The following CIAO1 variants were observed in gnomAD, a reference collection of about 807,000 sequenced individuals.
CIAO1 encodes cytosolic iron-sulfur assembly component 1.
CIAO1 carries 32 observed loss-of-function variants against 43.1 expected under a neutral mutation model. The ratio of observed to expected loss-of-function variants is 0.74; its 90% CI spans 0.56 to 1.00. The LOEUF (loss-of-function observed/expected upper bound fraction) is 1.00, where lower values mean the gene tolerates loss of function less well. Ranked by LOEUF, CIAO1 falls within the 50% of genes least tolerant of loss-of-function variation. The pLI is 0.00. For synonymous variants in CIAO1, 183 were observed against 171.4 expected, an observed-to-expected ratio of 1.07 and a Z score of -0.53; for missense variants, 415 against 437.4, an observed-to-expected ratio of 0.95 and a Z score of 0.46.
rs749576987 is a variant in CIAO1, at chr2:96,267,633, C to T, written c.297C>T (p.Thr99=). The T allele has an allele frequency of 1.2e-6, 2 of 1,614,022 alleles. No homozygotes were observed. The highest frequency in any genetic ancestry group is 2.2e-5 in the South Asian group (2 of 91,076). The change falls in exon 3 of 7, where the codon ACC becomes ACT. Residue 99 remains threonine (T), a synonymous_variant. Transcript: ENST00000488633. The stretch of plus-strand genomic sequence containing the variant: ...TCTTTCCCCTTTCACAGTGTGTAAC[C>T]ACTCTCGAGGGCCATGAAAATGAGG... ...KKNQDDFECV[T]TLEGHENEVK... is the part of the protein sequence containing the mutation.
At chr2:96,266,632 G>T in intron 1 of CIAO1, 143 bp downstream of exon 1, 1 of 934,162 alleles carries the variant, frequency 1.1e-6, no homozygotes, top group Non-Finnish European at 1.4e-6. Flanking sequence ...GGGCTTTACA[G>T]GCAAAGAAGT....
rs57198918 is a variant in CIAO1, at chr2:96,273,662, CAAAAAAAAA to C, written c.*2327_*2335del. 2.7e-4 allele frequency among the ~76,000 whole-genome samples: 15 copies of C among 55,996 alleles called. No homozygotes were observed. Among genetic ancestry groups the C allele is most frequent in the African/African-American group, 5.4e-4 (9 of 16,758 alleles). The allele number at this position is 55,996 out of a possible 152,430, so 36.7% of individuals were successfully genotyped here. Reference sequence around the variant, plus strand: ...TGGGTGACAGAGCGAGACTCCATTTCAAAAAAAAAAAAAAAAAAAAAAAATCACTTGTAG... The same window carrying C: ...TGGGTGACAGAGCGAGACTCCATTTCAAAAAAAAAAAAAAATCACTTGTAG... On this transcript the variant is annotated 3_prime_UTR_variant, in exon 7 of 7. Transcript: ENST00000488633.
rs147061540 is a variant in CIAO1 at position 96,268,044 on chromosome 2, A to G, written c.489+120A>G. 554 of 821,274 alleles carry G rather than the reference A, an allele frequency of 6.7e-4. 3 individuals are homozygous for G. In the African/African-American group the frequency reaches 8.1e-3, roughly 12 times the overall value. The allele number at this position is 821,274 out of a possible 1,614,324, so 50.9% of individuals were successfully genotyped here. A position where few individuals can be genotyped will look rare whatever the true frequency, so the allele number is the denominator to read the frequency against. ...GGAGAGTTCCATCTGTGAACAAAAAACATTAGTCCCTTTATAAAAACAGAT... is the reference window on the plus strand; with the variant it reads ...GGAGAGTTCCATCTGTGAACAAAAAGCATTAGTCCCTTTATAAAAACAGAT... On this transcript the variant is annotated intron_variant, in intron 4 of 6. Coordinates refer to ENST00000488633, the MANE Select transcript of CIAO1 (RefSeq NM_004804.3).
rs1312172462 is a variant in CIAO1, at chr2:96,272,474, T to A, written c.*1123T>A. ...GGTGGTGGCAGCAAACTTCTAGTAG[T>A]TTTGATATGTCCTTGATAGAACAAA... is the stretch of plus-strand genomic sequence containing the variant. On this transcript the variant is annotated 3_prime_UTR_variant, in exon 7 of 7. Coordinates refer to ENST00000488633, the MANE Select transcript of CIAO1 (RefSeq NM_004804.3). The A allele has an allele frequency of 6.6e-6, 1 of 152,232 alleles. No individual in the cohort carries two copies. Among genetic ancestry groups the A allele is most frequent in the African/African-American group, 2.4e-5 (1 of 41,456 alleles). The allele number at this position is 152,232 out of a possible 1,614,324, so 9.4% of individuals were successfully genotyped here. A position where few individuals can be genotyped will look rare whatever the true frequency, so the allele number is the denominator to read the frequency against.
intron 5 of CIAO1, 76 bp downstream of exon 5, chr2:96,268,734 C>T (rs1025533131): frequency 2.2e-5 from 31 of 1,436,864 alleles, no homozygotes; most frequent in Non-Finnish European, 2.5e-5. Context: ...GTACATGAGT[C>T]AGAGCAAATG....
In CIAO1 at chr2:96,268,492, G is replaced by A. The variant is rs1263953942; in HGVS notation, c.525G>A (p.Lys175=). 1.9e-6 allele frequency: 3 copies of A among 1,614,254 alleles called. No homozygotes were observed. The highest frequency in any genetic ancestry group is 1.7e-5 in the Admixed American group (1 of 60,024). ...LASASYDDTV[K]LYREEEDDWV... is the part of the protein sequence containing the mutation. ...CTGCCAGCTATGATGACACAGTGAA[G>A]CTGTACCGGGAGGAAGAGGATGACT... Residue 175 remains lysine, a synonymous_variant, in exon 5 of 7, where the codon AAG becomes AAA. Transcript: ENST00000488633.
Position 96,267,481 on chromosome 2 carries a change from G to C in CIAO1, c.288+12G>C, listed in dbSNP as rs771443614. The C allele has an allele frequency of 4.3e-6, 7 of 1,613,714 alleles. No individual in the cohort carries two copies. Among genetic ancestry groups the C allele is most frequent in the Non-Finnish European group, 5.1e-6 (6 of 1,179,670 alleles). ...AGGATGACTTTGAGGTACCCAGGCTGGTTGGGACCAGAATTATTGCCTGTT... is the reference window on the plus strand; with the variant it reads ...AGGATGACTTTGAGGTACCCAGGCTCGTTGGGACCAGAATTATTGCCTGTT... On this transcript the variant is annotated intron_variant, in intron 2 of 6. Transcript: ENST00000488633.
rs1253580840 is a variant in CIAO1, at chr2:96,266,322, G to A, written c.-29G>A. On this transcript the variant is annotated 5_prime_UTR_variant, in exon 1 of 7. Coordinates refer to ENST00000488633, the MANE Select transcript of CIAO1 (RefSeq NM_004804.3). The stretch of plus-strand genomic sequence containing the variant: ...GCTGTCTGCTCAGCGGACTCTGCCC[G>A]CCCCCACCTCCCCCTGCGTCGGGCC... 6 of 1,375,568 alleles carry A rather than the reference G, an allele frequency of 4.4e-6. No individual in the cohort carries two copies. The South Asian group carries it at 6.3e-5, about 14-fold the overall frequency. 85.2% of individuals were successfully genotyped at this position (1,375,568 alleles called of 1,614,324 possible). A position where few individuals can be genotyped will look rare whatever the true frequency, so the allele number is the denominator to read the frequency against.
At chr2:96,268,695 C>G in intron 5 of CIAO1, 37 bp downstream of exon 5, 1 of 1,603,782 alleles carries the variant, frequency 6.2e-7, no homozygotes, top group Non-Finnish European at 8.5e-7. Context: ...AGACCCATCT[C>G]TCAAGGGGTT....
chr2:96,267,775 G>GA (rs1684464481), intron 3 of CIAO1, 39 bp downstream of exon 3: 1 of 1,612,026 alleles, frequency 6.2e-7, no homozygotes, highest in Non-Finnish European at 8.5e-7. Context: ...GGAACCACCT[G>GA]ACAGCCCCCT....
chr2:96,273,765 G>T lies in CIAO1; in HGVS notation c.*2414G>T, dbSNP rs557627628. ...CTATTTTAAAAACTTTTCCAACTGC[G>T]TATCTGTGTGAAGTCAACTTACTTC... On this transcript the variant is annotated 3_prime_UTR_variant, in exon 7 of 7. Transcript: ENST00000488633. 9.2e-5 allele frequency among the ~76,000 whole-genome samples: 14 copies of T among 151,714 alleles called. No homozygotes were observed. The highest frequency in any genetic ancestry group is 6.2e-4 in the South Asian group (3 of 4,816).
chr2:96,268,706 C>T, intron 5 of CIAO1, 48 bp downstream of exon 5: 1 of 1,588,754 alleles, frequency 6.3e-7, no homozygotes, highest in Non-Finnish European at 8.6e-7. Context: ...TCAAGGGGTT[C>T]ACAGTCTGCT....
At position 96,273,587 on chromosome 2, in the gene CIAO1, C is replaced by T. The variant is rs1251719206; in HGVS notation, c.*2236C>T. Among the ~76,000 whole-genome samples the T allele has an allele frequency of 6.9e-6, 1 of 144,358 alleles. No homozygotes were observed. The highest frequency in any genetic ancestry group is 1.5e-5 in the Non-Finnish European group (1 of 67,212). 94.7% of individuals were successfully genotyped at this position (144,358 alleles called of 152,430 possible). A position where few individuals can be genotyped will look rare whatever the true frequency, so the allele number is the denominator to read the frequency against. Reference sequence around the variant, plus strand: ...CTGAGGCAGGAGAATAGCTTGAACCCGGGAGGTGGAGGTTGCAGTGAGTCG... The same window carrying T: ...CTGAGGCAGGAGAATAGCTTGAACCTGGGAGGTGGAGGTTGCAGTGAGTCG... On this transcript the variant is annotated 3_prime_UTR_variant, in exon 7 of 7. Coordinates refer to ENST00000488633, the MANE Select transcript of CIAO1 (RefSeq NM_004804.3).
chr2:96,267,134 C>CAAAAAA (rs1183454827), intron 1 of CIAO1, among the ~76,000 whole-genome samples, 187 bp from the exon 2 acceptor site: 2 of 36,802 alleles, frequency 5.4e-5, no homozygotes, highest in African/African-American at 1.3e-4. Flanking sequence ...AACTCCGTCT[C>CAAAAAA]AAAAAAAAAA....
At chr2:96,270,416 C>T (rs955888025) in intron 6 of CIAO1, among the ~76,000 whole-genome samples, 2 of 151,900 alleles carry the variant, frequency 1.3e-5, no homozygotes, top group South Asian at 2.1e-4. Context: ...GCAGGAGAAT[C>T]GCTTGAACCC....
At position 96,273,729 on chromosome 2, in the gene CIAO1, A is replaced by G. The variant is rs1372406449; in HGVS notation, c.*2378A>G. Among the ~76,000 whole-genome samples the G allele has an allele frequency of 1.3e-5, 2 of 151,988 alleles. No individual in the cohort carries two copies. Among genetic ancestry groups the G allele is most frequent in the African/African-American group, 2.4e-5 (1 of 41,370 alleles). The stretch of plus-strand genomic sequence containing the variant: ...GTGGTATCAAAGAATAGCCACAATT[A>G]GCTGAAAAGGCTATTTTAAAAACTT... On this transcript the variant is annotated 3_prime_UTR_variant, in exon 7 of 7. Transcript: ENST00000488633.
intron 6 of CIAO1, 76 bp from the exon 7 acceptor site, chr2:96,271,035 A>G: frequency 6.4e-7 from 1 of 1,574,322 alleles, no homozygotes; most frequent in South Asian, 1.1e-5. Context: ...AGGGAAGAGA[A>G]CAGGCCAGGA....
Position 96,272,200 on chromosome 2 carries a change from A to C in CIAO1, c.*849A>C, listed in dbSNP as rs1684566479. ...AAACCAGTTGAGAAACACTGCCATC[A>C]GCAGGCAGTTTCAGACTCACTCAAG... On this transcript the variant is annotated 3_prime_UTR_variant, in exon 7 of 7. Transcript: ENST00000488633. 1 of 152,256 alleles carries C rather than the reference A, an allele frequency of 6.6e-6. No homozygotes were observed. Among genetic ancestry groups the C allele is most frequent in the Non-Finnish European group, 1.5e-5 (1 of 68,042 alleles). 9.4% of individuals were successfully genotyped at this position (152,256 alleles called of 1,614,324 possible). A position where few individuals can be genotyped will look rare whatever the true frequency, so the allele number is the denominator to read the frequency against.
Position 96,272,228 on chromosome 2 carries a change from G to C in CIAO1, c.*877G>C, listed in dbSNP as rs929710611. ...AGGCAGTTTCAGACTCACTCAAGTT[G>C]TCTCTTGACAGTCACTTCTAAATGG... On this transcript the variant is annotated 3_prime_UTR_variant, in exon 7 of 7. Coordinates refer to ENST00000488633, the MANE Select transcript of CIAO1 (RefSeq NM_004804.3). The C allele has an allele frequency of 6.6e-6, 1 of 152,238 alleles. No individual in the cohort carries two copies. The highest frequency in any genetic ancestry group is 6.5e-5 in the Admixed American group (1 of 15,288). 9.4% of individuals were successfully genotyped at this position (152,238 alleles called of 1,614,324 possible).
Sources: gnomAD v4.1 joint callset for allele counts (sites outside exome capture counted in the v4.1 genomes callset) on GRCh38, gnomAD v4.1.1 for gene constraint, MANE v1.5 for transcripts, NCBI Gene and HGNC (gene_info 2026-07-23, HGNC 2026-07-21) for gene names.